Variants in MAD1L1 observed in about 807,000 individuals in gnomAD.
MAD1L1 encodes the protein mitotic spindle assembly checkpoint protein MAD1.
A neutral mutation model predicts 96.9 loss-of-function variants in MAD1L1; 95 were observed. The observed-to-expected ratio is 0.98, with a 90% confidence interval of 0.83 to 1.16. The LOEUF is 1.16. Ranked by LOEUF, MAD1L1 falls within the 50% of genes most tolerant of loss-of-function variation. The pLI is 0.00. For synonymous variants in MAD1L1, 473 were observed against 396.6 expected (o/e 1.19, Z -2.29); for missense variants, 1,007 against 954.4 (o/e 1.06, Z -0.73).
chr7:1,955,879 G>A (rs1456069440), intron 16 of MAD1L1, among the ~76,000 whole-genome samples: 1 of 151,950 alleles, frequency 6.6e-6, no homozygotes, highest in Non-Finnish European at 1.5e-5. Context: ...GACCTAAGTA[G>A]CTGGGCAGGC....
intron 18 of MAD1L1, among the ~76,000 whole-genome samples, chr7:1,818,228 C>T (rs143966132): frequency 0.017 from 2,555 of 152,178 alleles, 64 homozygotes; most frequent in African/African-American, 0.058. Context: ...GCCGGCCCTT[C>T]GCCCTCCTCC....
chr7:2,002,122 C>G lies in MAD1L1; in HGVS notation c.1360-1G>C. On this transcript the variant is annotated splice_acceptor_variant, in intron 13 of 18. Transcript: ENST00000265854. LOFTEE classifies it high-confidence loss of function. ...CCTCCAGGGCCTGCGACAGCTGAGC[C>G]TGCAAGACAAGACAGGATTCGGCCT... The G allele has an allele frequency of 1.2e-6, 2 of 1,613,028 alleles. No individual in the cohort carries two copies. The highest frequency in any genetic ancestry group is 1.7e-6 in the Non-Finnish European group (2 of 1,179,984).
At chr7:1,860,583 C>T (rs1258946085) in intron 18 of MAD1L1, among the ~76,000 whole-genome samples, 1 of 152,164 alleles carries the variant, frequency 6.6e-6, no homozygotes, top group East Asian at 1.9e-4. Flanking sequence ...TTTGTTCTTC[C>T]CCAGTGAAGG....
intron 10 of MAD1L1, among the ~76,000 whole-genome samples, chr7:2,158,789 G>C (rs575030718): frequency 1.3e-4 from 20 of 151,816 alleles, no homozygotes; most frequent in African/African-American, 4.9e-4. Context: ...TTTTCCTGAA[G>C]ACAGGGGACT....
chr7:2,000,310 C>T (rs1218776988), intron 14 of MAD1L1, among the ~76,000 whole-genome samples: 1 of 152,194 alleles, frequency 6.6e-6, no homozygotes, highest in African/African-American at 2.4e-5. Flanking sequence ...AGGGCACCTG[C>T]GTCTCCCACC....
At chr7:1,955,284 T>C (rs1056545136) in intron 16 of MAD1L1, among the ~76,000 whole-genome samples, 29 of 152,298 alleles carry the variant, frequency 1.9e-4, no homozygotes, top group African/African-American at 6.7e-4. Context: ...GGGCATCGCA[T>C]AGTGGGTGCA....
chr7:2,012,177 T>A (rs898743534), intron 13 of MAD1L1, among the ~76,000 whole-genome samples: 1 of 152,112 alleles, frequency 6.6e-6, no homozygotes. Flanking sequence ...GCAAGCACGG[T>A]GCCCAAACAG....
intron 4 of MAD1L1, among the ~76,000 whole-genome samples, chr7:2,225,063 A>AAT (rs1278671643): frequency 6.6e-6 from 1 of 152,240 alleles, no homozygotes; most frequent in African/African-American, 2.4e-5. Context: ...GAACAGACAC[A>AAT]GCAAGTGTTC....
intron 15 of MAD1L1, among the ~76,000 whole-genome samples, chr7:1,971,123 G>A (rs1005941241): frequency 5.9e-5 from 9 of 152,012 alleles, no homozygotes; most frequent in African/African-American, 9.7e-5. Context: ...CTTAAACCCC[G>A]TCTCAGGCCC....
intron 14 of MAD1L1, chr7:1,980,906 G>A (rs932489595): frequency 4.2e-5 from 16 of 382,218 alleles, no homozygotes; most frequent in Non-Finnish European, 7.2e-5. Context: ...CGTTTATTCC[G>A]CTACTTCCAA....
chr7:1,864,284 C>T (rs143559052), intron 18 of MAD1L1, among the ~76,000 whole-genome samples: 1,960 of 152,292 alleles, frequency 0.013, 37 homozygotes, highest in African/African-American at 0.044. Context: ...GGCTGCAGGG[C>T]TCATGGCCTG....
intron 16 of MAD1L1, among the ~76,000 whole-genome samples, chr7:1,947,347 G>A (rs1415798391): frequency 3.9e-5 from 6 of 152,366 alleles, no homozygotes; most frequent in East Asian, 1.9e-4. Context: ...CAGAGAAAGC[G>A]CTGGAAGGAA....
chr7:1,946,611 G>A (rs1243295583), intron 16 of MAD1L1, among the ~76,000 whole-genome samples: 3 of 152,262 alleles, frequency 2.0e-5, no homozygotes, highest in Non-Finnish European at 4.4e-5. Flanking sequence ...GCGAGCAGGC[G>A]CTCTGGTGCT....
intron 18 of MAD1L1, among the ~76,000 whole-genome samples, chr7:1,818,685 C>T (rs1781959266): frequency 6.6e-6 from 1 of 152,098 alleles, no homozygotes; most frequent in Admixed American, 6.5e-5. Context: ...GGATTACAGG[C>T]GTGAGCTCTG....
chr7:1,903,931 G>A (rs1219805224), intron 17 of MAD1L1, among the ~76,000 whole-genome samples: 7 of 119,856 alleles, frequency 5.8e-5, no homozygotes, highest in African/African-American at 1.5e-4. Context: ...TCCAGGCAGC[G>A]AGGACGCAGT....
chr7:1,857,526 C>T (rs1266926082), intron 18 of MAD1L1, among the ~76,000 whole-genome samples: 1 of 152,240 alleles, frequency 6.6e-6, no homozygotes, highest in Non-Finnish European at 1.5e-5. Context: ...ACGGTCCCCT[C>T]GCTGCCATCT....
At chr7:2,193,206 G>A (rs538147688) in intron 10 of MAD1L1, 1 of 152,664 alleles carries the variant, frequency 6.6e-6, no homozygotes, top group East Asian at 1.9e-4. Context: ...AACTGAGGCT[G>A]ACAGGTGCAG....
intron 18 of MAD1L1, chr7:1,817,155 C>G (rs908212608): frequency 6.6e-6 from 1 of 152,160 alleles, no homozygotes; most frequent in African/African-American, 2.4e-5. Flanking sequence ...GACACGGAGC[C>G]GCCTCGCGCC....
intron 14 of MAD1L1, among the ~76,000 whole-genome samples, chr7:1,987,401 T>A (rs974738875): frequency 8.5e-5 from 13 of 152,144 alleles, no homozygotes; most frequent in Non-Finnish European, 4.4e-5. Context: ...CCAGCGTGTG[T>A]GCGGCCGAGC....
Sources: gnomAD v4.1 joint callset for allele counts (sites outside exome capture counted in the v4.1 genomes callset) on GRCh38, gnomAD v4.1.1 for gene constraint, MANE v1.5 for transcripts, NCBI Gene and HGNC (gene_info 2026-07-23, HGNC 2026-07-21) for gene names.